Variants in NRG3 observed in about 807,000 individuals in gnomAD.
NRG3 encodes the protein neuregulin 3.
NRG3 carries 31 observed loss-of-function variants against 66.9 expected under a neutral mutation model. The observed-to-expected ratio is 0.46, with a 90% CI of 0.35 to 0.63. The LOEUF is 0.63. Ranked by LOEUF, NRG3 falls within the 20% of genes least tolerant of loss-of-function variation. The pLI is 0.00. For synonymous variants in NRG3, 393 were observed against 359.4 expected (o/e 1.09, Z -1.06); for missense variants, 910 against 878.9 (o/e 1.04, Z -0.45).
intron 2 of NRG3, among the ~76,000 whole-genome samples, chr10:82,522,295 C>T (rs978168517): frequency 2.0e-5 from 3 of 151,878 alleles, no homozygotes; most frequent in Admixed American, 1.3e-4. Flanking sequence ...TCCGCCTGCC[C>T]CAGCCTCTGA....
At chr10:82,717,740 T>C (rs925302739) in intron 2 of NRG3, among the ~76,000 whole-genome samples, 3 of 152,142 alleles carry the variant, frequency 2.0e-5, no homozygotes, top group Admixed American at 6.5e-5. Context: ...ACAGCAGGTT[T>C]TAAGTAATCT....
chr10:82,936,780 T>G (rs1291518033), intron 4 of NRG3, among the ~76,000 whole-genome samples: 4 of 152,102 alleles, frequency 2.6e-5, no homozygotes, highest in Non-Finnish European at 2.9e-5. Context: ...AAAAAGACAC[T>G]ATGAGCAAGT....
rs73309870 is a variant in NRG3, at chr10:82,545,170, A to G, written c.953+186302A>G. Among the ~76,000 whole-genome samples the G allele has an allele frequency of 4.4e-3, 668 of 152,244 alleles. 5 individuals carry two copies. Among genetic ancestry groups the G allele is most frequent in the African/African-American group, 0.015 (644 of 41,562 alleles). ...ATCTAGGAGCTTTTCCTCTGGAATT[A>G]TGGGAGCTGGTTTCCCTTTTCTTTT... On this transcript the variant is annotated intron_variant, in intron 2 of 8. Coordinates refer to ENST00000372141, the MANE Select transcript of NRG3 (RefSeq NM_001010848.4).
At chr10:81,929,555 G>T (rs1847139056) in intron 1 of NRG3, among the ~76,000 whole-genome samples, 1 of 152,040 alleles carries the variant, frequency 6.6e-6, no homozygotes, top group African/African-American at 2.4e-5. Flanking sequence ...TTTCTTTTAG[G>T]TGATAACCAG....
chr10:81,975,913 T>C (rs1265308149), intron 1 of NRG3, among the ~76,000 whole-genome samples: 1 of 152,022 alleles, frequency 6.6e-6, no homozygotes, highest in Non-Finnish European at 1.5e-5. Flanking sequence ...TTTGAAGCTG[T>C]GGCTGGCTTG....
rs778209903 is a variant in NRG3 at position 82,106,134 on chromosome 10, T to G, written c.823+229971T>G. On this transcript the variant is annotated intron_variant, in intron 1 of 8. Transcript: ENST00000372141. ...GACATAGACCAACACTGCAGCCTAGTTAGCAAGGCTTATCTAAGGCAACTG... is the reference window on the plus strand; with the variant it reads ...GACATAGACCAACACTGCAGCCTAGGTAGCAAGGCTTATCTAAGGCAACTG... Among the ~76,000 whole-genome samples, 30 of 151,904 alleles carry G rather than the reference T, an allele frequency of 2.0e-4. 1 individual carries two copies. Among genetic ancestry groups the G allele is most frequent in the Admixed American group, 1.3e-4 (2 of 15,272 alleles).
chr10:82,680,967 G>A (rs1324335411), intron 2 of NRG3, among the ~76,000 whole-genome samples: 1 of 152,244 alleles, frequency 6.6e-6, no homozygotes, highest in African/African-American at 2.4e-5. Flanking sequence ...TGCTGCCACA[G>A]GGCAGGTTTA....
chr10:81,927,647 A>G (rs1386194292), intron 1 of NRG3, among the ~76,000 whole-genome samples: 1 of 152,176 alleles, frequency 6.6e-6, no homozygotes, highest in African/African-American at 2.4e-5. Flanking sequence ...CAGAGGTTCC[A>G]TAAACTCCCT....
At chr10:82,102,133 C>CATATATAT (rs369498870) in intron 1 of NRG3, among the ~76,000 whole-genome samples, 446 of 26,192 alleles carry the variant, frequency 0.017, 11 homozygotes, top group African/African-American at 0.029. Context: ...TATGTGTATT[C>CATATATAT]ATATATATAT....
Position 81,900,561 on chromosome 10 carries a change from T to C in NRG3, c.823+24398T>C, listed in dbSNP as rs182214254. ...TGCTAATGACGCTGGGGTTTTCAGG[T>C]GGACACTGATTGCCACAGTCACTGA... is the stretch of plus-strand genomic sequence containing the variant. On this transcript the variant is annotated intron_variant, in intron 1 of 8. Transcript: ENST00000372141. Among the ~76,000 whole-genome samples, 63 of 152,332 alleles carry C rather than the reference T, an allele frequency of 4.1e-4. 1 individual carries two copies. Among genetic ancestry groups the C allele is most frequent in the African/African-American group, 1.4e-3 (59 of 41,582 alleles).
intron 1 of NRG3, among the ~76,000 whole-genome samples, chr10:81,987,237 A>C (rs1336077520): frequency 6.6e-6 from 1 of 152,096 alleles, no homozygotes; most frequent in African/African-American, 2.4e-5. Context: ...GGCGCACGCC[A>C]CCACACCCGG....
At chr10:82,839,817 T>C (rs2062965934) in intron 3 of NRG3, among the ~76,000 whole-genome samples, 1 of 152,002 alleles carries the variant, frequency 6.6e-6, no homozygotes, top group South Asian at 2.1e-4. Flanking sequence ...AGTCTACAAC[T>C]CAGTACTAAT....
At chr10:82,040,714 A>G (rs986931251) in intron 1 of NRG3, among the ~76,000 whole-genome samples, 7 of 152,138 alleles carry the variant, frequency 4.6e-5, no homozygotes, top group Admixed American at 2.0e-4. Context: ...CAGGCATTCA[A>G]TCCATACTTA....
intron 1 of NRG3, among the ~76,000 whole-genome samples, chr10:81,885,091 T>G (rs1842515258): frequency 1.3e-5 from 2 of 152,220 alleles, no homozygotes; most frequent in African/African-American, 4.8e-5. Context: ...TCTAAACTTC[T>G]GTTCCTTGAT....
At chr10:82,587,793 T>G (rs1481389230) in intron 2 of NRG3, among the ~76,000 whole-genome samples, 1 of 152,204 alleles carries the variant, frequency 6.6e-6, no homozygotes, top group Admixed American at 6.6e-5. Flanking sequence ...TCCTGATATT[T>G]GGAAGCTGGC....
intron 6 of NRG3, among the ~76,000 whole-genome samples, chr10:82,972,586 T>C (rs1851870556): frequency 6.6e-6 from 1 of 152,168 alleles, no homozygotes; most frequent in South Asian, 2.1e-4. Context: ...CCACTACCAA[T>C]TGATTAGAAA....
intron 2 of NRG3, among the ~76,000 whole-genome samples, chr10:82,403,092 T>G (rs1393180016): frequency 6.6e-6 from 1 of 152,178 alleles, no homozygotes; most frequent in African/African-American, 2.4e-5. Context: ...GTGACATGCC[T>G]TCTTGTCTGA....
intron 1 of NRG3, among the ~76,000 whole-genome samples, chr10:82,193,512 G>T (rs760823556): frequency 2.0e-5 from 3 of 152,182 alleles, no homozygotes; most frequent in Non-Finnish European, 4.4e-5. Context: ...AACAAGAAAT[G>T]AAAGAAAGCA....
intron 4 of NRG3, among the ~76,000 whole-genome samples, chr10:82,887,579 G>T (rs1430482742): frequency 6.6e-6 from 1 of 152,188 alleles, no homozygotes; most frequent in Non-Finnish European, 1.5e-5. Context: ...TTCATCTGAA[G>T]TATTTTGTGC....
Sources: allele counts gnomAD v4.1 joint callset (sites outside exome capture counted in the v4.1 genomes callset), GRCh38; gene constraint gnomAD v4.1.1; transcripts MANE v1.5; gene names NCBI Gene and HGNC (gene_info 2026-07-23, HGNC 2026-07-21).